The following PRMT8 variants were observed in gnomAD, a reference collection of about 807,000 sequenced individuals.
PRMT8 encodes protein arginine methyltransferase 8.
A neutral mutation model predicts 47.1 loss-of-function variants in PRMT8; 7 were observed. The ratio of observed to expected loss-of-function variants is 0.15; its 90% CI spans 0.08 to 0.28. PRMT8 has a LOEUF of 0.28. Among genes scored for constraint, PRMT8 ranks in the 10% least tolerant of loss-of-function variants. The pLI is 1.00. For synonymous variants in PRMT8, 188 were observed against 186.5 expected (o/e 1.01, Z -0.07); for missense variants, 237 against 505.4 (o/e 0.47, Z 5.09).
At chr12:3,506,076 T>C (rs953731606) in intron 1 of PRMT8, among the ~76,000 whole-genome samples, 3 of 152,160 alleles carry the variant, frequency 2.0e-5, no homozygotes, top group Non-Finnish European at 4.4e-5. Context: ...TGGGGGTTAA[T>C]TGTGCAGGCT....
upstream of PRMT8, among the ~76,000 whole-genome samples, chr12:3,489,613 G>A (rs1282417183): frequency 1.3e-5 from 2 of 152,020 alleles, no homozygotes; most frequent in African/African-American, 4.8e-5. Flanking sequence ...CTAGAGAAAA[G>A]GGAATTCAAT....
intron 1 of PRMT8, among the ~76,000 whole-genome samples, chr12:3,430,853 A>G (rs1368471065): frequency 6.6e-6 from 1 of 152,220 alleles, no homozygotes; most frequent in African/African-American, 2.4e-5. Context: ...AGCTAAAGAC[A>G]GGGAGTTTAT....
intron 1 of PRMT8, among the ~76,000 whole-genome samples, chr12:3,523,000 C>G (rs565593868): frequency 6.9e-4 from 50 of 72,444 alleles, no homozygotes; most frequent in Admixed American, 1.5e-3. Flanking sequence ...TTAAATGGAG[C>G]CTGATAGAAA....
intron 1 of PRMT8, among the ~76,000 whole-genome samples, chr12:3,477,916 G>C: frequency 6.6e-6 from 1 of 152,170 alleles, no homozygotes; most frequent in East Asian, 1.9e-4. Flanking sequence ...CCTTTCTGAG[G>C]ATGTTTTCCT....
At chr12:3,393,207 C>T (rs1416114243) in intron 1 of PRMT8, among the ~76,000 whole-genome samples, 1 of 152,160 alleles carries the variant, frequency 6.6e-6, no homozygotes, top group African/African-American at 2.4e-5. Flanking sequence ...TGCAGAAGCT[C>T]TTTAGTTTAA....
intron 4 of PRMT8, among the ~76,000 whole-genome samples, chr12:3,558,248 C>CCTTCCTTCT (rs1274214263): frequency 6.6e-4 from 101 of 152,056 alleles, no homozygotes; most frequent in Non-Finnish European, 5.4e-4. Context: ...CCCTTCCTCC[C>CCTTCCTTCT]CTTCCTTCTC....
At chr12:3,463,000 T>C (rs1309318867) in intron 1 of PRMT8, 1 of 152,176 alleles carries the variant, frequency 6.6e-6, no homozygotes, top group Non-Finnish European at 1.5e-5. Context: ...CTGGAAAATA[T>C]GTATAGAAAC....
At chr12:3,458,077 G>T (rs535874684) in intron 1 of PRMT8, among the ~76,000 whole-genome samples, 1 of 152,014 alleles carries the variant, frequency 6.6e-6, no homozygotes, top group African/African-American at 2.4e-5. Context: ...TCTTGACCTC[G>T]TGATCCGCCC....
intron 1 of PRMT8, among the ~76,000 whole-genome samples, chr12:3,517,196 A>G (rs1431135372): frequency 6.6e-6 from 1 of 152,168 alleles, no homozygotes; most frequent in Non-Finnish European, 1.5e-5. Flanking sequence ...CGCTCATCAG[A>G]CACCCGATCT....
intron 1 of PRMT8, among the ~76,000 whole-genome samples, chr12:3,442,611 C>T (rs1466243430): frequency 6.6e-6 from 1 of 152,160 alleles, no homozygotes; most frequent in African/African-American, 2.4e-5. Flanking sequence ...GGCTAGGGAG[C>T]CCAGGCCAGG....
chr12:3,394,927 G>C (rs1864233147), intron 1 of PRMT8, among the ~76,000 whole-genome samples: 1 of 151,628 alleles, frequency 6.6e-6, no homozygotes, highest in South Asian at 2.1e-4. Flanking sequence ...ACTTCTTCCT[G>C]GTTTAGTCTT....
chr12:3,443,629 C>G (rs1048587666), intron 1 of PRMT8, among the ~76,000 whole-genome samples: 1 of 152,206 alleles, frequency 6.6e-6, no homozygotes, highest in Non-Finnish European at 1.5e-5. Context: ...GCTCTCTCCC[C>G]CTTCAGATGT....
In PRMT8 at chr12:3,413,770, ACC is replaced by A. The variant is rs753732376; in HGVS notation, c.48+32329_48+32330del. Among the ~76,000 whole-genome samples, 638 of 150,528 alleles carry A rather than the reference ACC, an allele frequency of 4.2e-3. 7 individuals are homozygous for A. The highest frequency in any genetic ancestry group is 0.014 in the African/African-American group (566 of 41,026). On this transcript the variant is annotated intron_variant, in intron 1 of 9. Transcript: ENST00000452611. The stretch of plus-strand genomic sequence containing the variant: ...CATGACTGTATTCGGGGGAAAAAAA[ACC>A]AATAAAAAATAATGCAAATTAAAAA...
chr12:3,567,832 G>C (rs1214360128), intron 4 of PRMT8, among the ~76,000 whole-genome samples: 1 of 152,204 alleles, frequency 6.6e-6, no homozygotes, highest in Non-Finnish European at 1.5e-5. Flanking sequence ...CCAGCACTTT[G>C]GGAGGCCGAG....
At chr12:3,425,208 GT>G (rs1864590393) in intron 1 of PRMT8, among the ~76,000 whole-genome samples, 1 of 152,228 alleles carries the variant, frequency 6.6e-6, no homozygotes. Flanking sequence ...TATCTAGTTA[GT>G]CTAGTACTTG....
At position 3,470,822 on chromosome 12, in the gene PRMT8, C is replaced by T. The variant is rs1865154308; in HGVS notation, c.49-69784C>T. 3.3e-5 allele frequency among the ~76,000 whole-genome samples: 5 copies of T among 152,320 alleles called. No individual in the cohort carries two copies. The South Asian group carries it at 1.0e-3, about 32-fold the overall frequency. On this transcript the variant is annotated intron_variant, in intron 1 of 9. Coordinates refer to the PRMT8 transcript ENST00000452611. Reference sequence around the variant, plus strand: ...CCACTTCCACACTCAGGCGATTTCACCTAAGGTCCCCACTTGCTGCAAGCT... The same window carrying T: ...CCACTTCCACACTCAGGCGATTTCATCTAAGGTCCCCACTTGCTGCAAGCT...
chr12:3,591,338 C>G (rs1194080405), intron 8 of PRMT8, among the ~76,000 whole-genome samples: 1 of 151,872 alleles, frequency 6.6e-6, no homozygotes, highest in Admixed American at 6.6e-5. Context: ...CACCTGAAAC[C>G]CTACAGCAGG....
Position 3,453,879 on chromosome 12 carries a change from C to T in PRMT8, c.48+72437C>T, listed in dbSNP as rs1220208581. On this transcript the variant is annotated intron_variant, in intron 1 of 9. Coordinates refer to the PRMT8 transcript ENST00000452611. This position sits in a 1 kb window ranked among gnomAD's most constrained non-coding sequence, Gnocchi z 4.9. ...CGGCGATTGAAAATGACTGCAGCCT[C>T]GGGTGCAGCCTTGTCCTCAGCGTTC... Among the ~76,000 whole-genome samples, 3 of 152,178 alleles carry T rather than the reference C, an allele frequency of 2.0e-5. No individual in the cohort carries two copies. Among genetic ancestry groups the T allele is most frequent in the Non-Finnish European group, 2.9e-5 (2 of 68,036 alleles).
At chr12:3,413,682 T>C (rs1431621068) in intron 1 of PRMT8, among the ~76,000 whole-genome samples, 4 of 152,212 alleles carry the variant, frequency 2.6e-5, no homozygotes, top group African/African-American at 9.6e-5. Context: ...TTCAGTTCCA[T>C]TGTAGTCTTG....
Sources: gnomAD v4.1 joint callset for allele counts (sites outside exome capture counted in the v4.1 genomes callset) on GRCh38, gnomAD v4.1.1 for gene constraint, Gnocchi (gnomAD v3.1) non-coding constraint, MANE v1.5 for transcripts, NCBI Gene and HGNC (gene_info 2026-07-23, HGNC 2026-07-21) for gene names.